The following DSCAML1 variants were observed in gnomAD, a reference collection of about 807,000 sequenced individuals.
DSCAML1 encodes cell adhesion molecule DSCAML1.
DSCAML1 carries 38 observed loss-of-function variants against 200.5 expected under a neutral mutation model. The ratio of observed to expected loss-of-function variants is 0.19; its 90% CI spans 0.15 to 0.25. The LOEUF is 0.25. Among genes scored for constraint, DSCAML1 ranks in the 10% least tolerant of loss-of-function variants. DSCAML1 has a pLI of 1.00. For synonymous variants in DSCAML1, 1,215 were observed against 1,165.0 expected (o/e 1.04, Z -0.87); for missense variants, 2,223 against 2,858.8 (o/e 0.78, Z 5.07).
At chr11:117,502,247 G>A (rs1306669985) in intron 11 of DSCAML1, among the ~76,000 whole-genome samples, 2 of 152,136 alleles carry the variant, frequency 1.3e-5, no homozygotes, top group Admixed American at 6.5e-5. Flanking sequence ...TCCGGCACCC[G>A]CGACCCCTGC....
chr11:117,539,125 C>T (rs761322527), intron 3 of DSCAML1, among the ~76,000 whole-genome samples: 8 of 152,172 alleles, frequency 5.3e-5, no homozygotes, highest in Non-Finnish European at 7.3e-5. Context: ...CAAAACTCTA[C>T]GGCAGTTTTG....
At chr11:117,768,497 G>C (rs1403147037) in intron 3 of DSCAML1, among the ~76,000 whole-genome samples, 4 of 152,150 alleles carry the variant, frequency 2.6e-5, no homozygotes, top group Non-Finnish European at 5.9e-5. Context: ...CCAGAAAGGG[G>C]AGCACAGGTG....
intron 1 of DSCAML1, among the ~76,000 whole-genome samples, chr11:117,781,246 A>C (rs1016183029): frequency 6.6e-6 from 1 of 150,820 alleles, no homozygotes; most frequent in Non-Finnish European, 1.5e-5. Context: ...AGCAGAGATC[A>C]TGCCACTGCA....
Position 117,503,650 on chromosome 11 carries a change from G to A in DSCAML1, c.2359+195C>T, listed in dbSNP as rs2049438174. Among the ~76,000 whole-genome samples, 1 of 152,204 alleles carries A rather than the reference G, an allele frequency of 6.6e-6. No homozygotes were observed. The highest frequency in any genetic ancestry group is 1.5e-5 in the Non-Finnish European group (1 of 68,020). Reference sequence around the variant, plus strand: ...GGGGTGAGTTGGGGCCTCTCAGGGTGAGGCCGCTGTTTTAGATGACAGTGC... The same window carrying A: ...GGGGTGAGTTGGGGCCTCTCAGGGTAAGGCCGCTGTTTTAGATGACAGTGC... On this transcript the variant is annotated intron_variant, in intron 11 of 32. Transcript: ENST00000651296. This position sits in a 1 kb window ranked among gnomAD's most constrained non-coding sequence, Gnocchi z 5.2.
chr11:117,808,773 C>T (rs1190472758), intron 1 of DSCAML1, among the ~76,000 whole-genome samples: 1 of 152,152 alleles, frequency 6.6e-6, no homozygotes, highest in Non-Finnish European at 1.5e-5. Flanking sequence ...CTGAAAAACA[C>T]GCAATCACCC....
At chr11:117,619,114 G>C (rs1375661962) in intron 3 of DSCAML1, among the ~76,000 whole-genome samples, 1 of 152,214 alleles carries the variant, frequency 6.6e-6, no homozygotes, top group Non-Finnish European at 1.5e-5. Flanking sequence ...CGGGGCGCCT[G>C]TGCCCAGCCC....
At chr11:117,716,271 C>G (rs79467219) in intron 3 of DSCAML1, among the ~76,000 whole-genome samples, 1,540 of 152,342 alleles carry the variant, frequency 0.01, 23 homozygotes, top group African/African-American at 0.034. Context: ...CTGGTCCCAG[C>G]CGTGTTGTTA....
intron 14 of DSCAML1, among the ~76,000 whole-genome samples, chr11:117,478,930 T>A (rs2048852132): frequency 6.6e-6 from 1 of 152,238 alleles, no homozygotes; most frequent in African/African-American, 2.4e-5. Flanking sequence ...CCTGGGTGGC[T>A]TACCGCAACT....
chr11:117,588,528 G>A (rs2051195829), intron 3 of DSCAML1, among the ~76,000 whole-genome samples: 1 of 152,148 alleles, frequency 6.6e-6, no homozygotes, highest in Non-Finnish European at 1.5e-5. Context: ...GGTGTGAAGC[G>A]TTTTGTAGGT....
At chr11:117,442,999 G>A (rs376755557) in intron 21 of DSCAML1, among the ~76,000 whole-genome samples, 51 of 152,330 alleles carry the variant, frequency 3.3e-4, no homozygotes, top group Non-Finnish European at 6.9e-4. Context: ...CTCTGAGCCC[G>A]CGGCAGGGTA....
At chr11:117,483,097 C>T (rs55900121) in intron 11 of DSCAML1, among the ~76,000 whole-genome samples, 17,072 of 152,240 alleles carry the variant, frequency 0.11, 1,193 homozygotes, top group South Asian at 0.24. Context: ...AATCACCGGC[C>T]CCTCCTCTGG....
intron 3 of DSCAML1, among the ~76,000 whole-genome samples, chr11:117,598,724 G>A (rs1371682438): frequency 2.0e-5 from 3 of 152,194 alleles, no homozygotes; most frequent in African/African-American, 7.2e-5. Flanking sequence ...AAAGGGAGCA[G>A]GGAGGCAGTC....
At chr11:117,485,074 C>T (rs934102247) in intron 11 of DSCAML1, among the ~76,000 whole-genome samples, 1 of 152,174 alleles carries the variant, frequency 6.6e-6, no homozygotes, top group African/African-American at 2.4e-5. Context: ...GCAACCCCAC[C>T]ATGCCTCTGG....
chr11:117,433,025 G>C, intron 29 of DSCAML1, 113 bp downstream of exon 29: 1 of 871,312 alleles, frequency 1.1e-6, no homozygotes, highest in Non-Finnish European at 1.9e-6. Context: ...GGTTGATGGG[G>C]CTACTGCCAG....
At position 117,740,159 on chromosome 11, in the gene DSCAML1, G is replaced by A. The variant is rs1449027540; in HGVS notation, c.511+36632C>T. On this transcript the variant is annotated intron_variant, in intron 3 of 32. Coordinates refer to ENST00000651296, the MANE Select transcript of DSCAML1 (RefSeq NM_020693.4). ...GGGCTGGACAACTACCCACAGGAAGGGAGGACCAGGGCCCTTACATATATT... is the reference window on the plus strand; with the variant it reads ...GGGCTGGACAACTACCCACAGGAAGAGAGGACCAGGGCCCTTACATATATT... Among the ~76,000 whole-genome samples the A allele has an allele frequency of 3.9e-5, 6 of 152,178 alleles. No individual in the cohort carries two copies. In the East Asian group the frequency reaches 1.2e-3, roughly 29 times the overall value.
intron 13 of DSCAML1, 65 bp downstream of exon 13, chr11:117,481,109 G>T: frequency 6.8e-7 from 1 of 1,462,582 alleles, no homozygotes; most frequent in Non-Finnish European, 9.6e-7. Flanking sequence ...CTTTGAGGTG[G>T]AGTTAGCGGT....
Position 117,516,825 on chromosome 11 carries a change from C to A in DSCAML1, c.1511-86G>T. ...GACAGCCAGGCACCACCCTGCGGTG[C>A]TCTTCTCAGGCACTCGGCCCCTGAG... On this transcript the variant is annotated intron_variant, in intron 7 of 32. Transcript: ENST00000651296. This position sits in a 1 kb window ranked among gnomAD's most constrained non-coding sequence, Gnocchi z 5.7. 2 of 1,502,960 alleles carry A rather than the reference C, an allele frequency of 1.3e-6. No homozygotes were observed. The highest frequency in any genetic ancestry group is 2.6e-5 in the South Asian group (2 of 76,186). 93.1% of individuals were successfully genotyped at this position (1,502,960 alleles called of 1,614,324 possible).
At chr11:117,464,557 T>C (rs12278299) in intron 17 of DSCAML1, among the ~76,000 whole-genome samples, 2,834 of 152,184 alleles carry the variant, frequency 0.019, 79 homozygotes, top group African/African-American at 0.063. Context: ...GGTTCCAGAC[T>C]AGAACACAAA....
At chr11:117,773,842 G>A (rs1479521079) in intron 3 of DSCAML1, among the ~76,000 whole-genome samples, 3 of 152,092 alleles carry the variant, frequency 2.0e-5, no homozygotes, top group African/African-American at 7.2e-5. Flanking sequence ...ATTATAGATG[G>A]GGCTGGAGGG....
Sources: allele counts gnomAD v4.1 joint callset (sites outside exome capture counted in the v4.1 genomes callset), GRCh38; gene constraint gnomAD v4.1.1; non-coding constraint Gnocchi (gnomAD v3.1); transcripts MANE v1.5; gene names NCBI Gene and HGNC (gene_info 2026-07-23, HGNC 2026-07-21).